HIBADH: variants seen among roughly 807,000 people sequenced by gnomAD.
HIBADH encodes the protein 3-hydroxyisobutyrate dehydrogenase, mitochondrial.
Under a neutral mutation model 36.1 loss-of-function variants are expected in HIBADH, and 25 were observed. That is an observed-to-expected ratio of 0.69 (90% CI 0.50 to 0.97). HIBADH has a LOEUF of 0.97. Among genes scored for constraint, HIBADH ranks in the 50% least tolerant of loss-of-function variants. The pLI is 0.00. For missense variants in HIBADH, 421 were observed against 418.0 expected, an observed-to-expected ratio of 1.01 and a Z score of -0.06; for synonymous variants, 160 against 149.5, an observed-to-expected ratio of 1.07 and a Z score of -0.51.
At position 27,537,719 on chromosome 7, in the gene HIBADH, A is replaced by T. The variant is rs374233197; in HGVS notation, c.695+622T>A. 3.1e-3 allele frequency among the ~76,000 whole-genome samples: 468 copies of T among 152,310 alleles called. 3 individuals are homozygous for T. The highest frequency in any genetic ancestry group is 0.011 in the African/African-American group (448 of 41,586). ...GATGATCATCCATAGGAAAAACAGA[A>T]TTCCTGAATCACTTTAAGCAAAGTA... On this transcript the variant is annotated intron_variant, in intron 6 of 7. Transcript: ENST00000265395.
intron 1 of HIBADH, among the ~76,000 whole-genome samples, chr7:27,656,773 C>G (rs1428438173): frequency 6.6e-6 from 1 of 152,148 alleles, no homozygotes; most frequent in East Asian, 1.9e-4. Context: ...TGAAGTGGCA[C>G]AGTGAAATTT....
intron 6 of HIBADH, among the ~76,000 whole-genome samples, chr7:27,532,166 TG>T (rs1784012400): frequency 6.6e-6 from 1 of 152,200 alleles, no homozygotes; most frequent in Admixed American, 6.5e-5. Context: ...AGAATCAAAA[TG>T]CTCCATTACT....
chr7:27,609,833 T>A (rs973179939), intron 4 of HIBADH, among the ~76,000 whole-genome samples: 1 of 152,146 alleles, frequency 6.6e-6, no homozygotes, highest in Non-Finnish European at 1.5e-5. Flanking sequence ...TTATTTATTT[T>A]TTGAGACAGA....
intron 3 of HIBADH, among the ~76,000 whole-genome samples, chr7:27,631,935 A>T (rs2128294592): frequency 6.6e-6 from 1 of 152,332 alleles, no homozygotes; most frequent in African/African-American, 2.4e-5. Context: ...CGTATAATAA[A>T]ATGTTAAACG....
At chr7:27,526,766 T>G (rs1783907561) in intron 7 of HIBADH, among the ~76,000 whole-genome samples, 1 of 152,214 alleles carries the variant, frequency 6.6e-6, no homozygotes, top group Admixed American at 6.5e-5. Flanking sequence ...AAATATTACT[T>G]CATCCAATAA....
At position 27,526,069 on chromosome 7, in the gene HIBADH, G is replaced by A. The variant is rs1783891370; in HGVS notation, c.*145C>T. The A allele has an allele frequency of 6.6e-6, 4 of 602,896 alleles. No homozygotes were observed. Among genetic ancestry groups the A allele is most frequent in the African/African-American group, 1.9e-5 (1 of 52,206 alleles). 37.3% of individuals were successfully genotyped at this position (602,896 alleles called of 1,614,324 possible). A position where few individuals can be genotyped will look rare whatever the true frequency, so the allele number is the denominator to read the frequency against. ...TAAAAAGACAAAAAGAATAAGCGGT[G>A]AAAAATCCTAGGGATTACTGTGACC... On this transcript the variant is annotated 3_prime_UTR_variant, in exon 8 of 8. Transcript: ENST00000265395.
At chr7:27,558,842 T>C (rs1056778310) in intron 4 of HIBADH, among the ~76,000 whole-genome samples, 3 of 152,224 alleles carry the variant, frequency 2.0e-5, no homozygotes, top group Admixed American at 2.0e-4. Flanking sequence ...TTTTCATTTA[T>C]TTTAGCTTAA....
intron 4 of HIBADH, among the ~76,000 whole-genome samples, chr7:27,572,971 A>C (rs773288321): frequency 7.2e-5 from 11 of 152,232 alleles, no homozygotes; most frequent in Non-Finnish European, 1.2e-4. Flanking sequence ...AGAGTAAAAG[A>C]AGCTTCACTA....
intron 4 of HIBADH, among the ~76,000 whole-genome samples, chr7:27,601,578 G>A (rs1051632329): frequency 1.3e-5 from 2 of 152,010 alleles, no homozygotes; most frequent in Admixed American, 6.5e-5. Context: ...TTATAAAAGT[G>A]CATTTAACTG....
intron 4 of HIBADH, among the ~76,000 whole-genome samples, chr7:27,618,033 G>A (rs1785463500): frequency 6.6e-6 from 1 of 152,226 alleles, no homozygotes; most frequent in Admixed American, 6.5e-5. Flanking sequence ...CCCTGTCTGG[G>A]GCTGTGAGAA....
intron 4 of HIBADH, among the ~76,000 whole-genome samples, chr7:27,555,870 G>A (rs1224368832): frequency 6.6e-6 from 1 of 152,098 alleles, no homozygotes; most frequent in Non-Finnish European, 1.5e-5. Context: ...ATATATGCAT[G>A]CAAGTGTGTG....
At chr7:27,602,786 A>G (rs950403712) in intron 4 of HIBADH, among the ~76,000 whole-genome samples, 7 of 152,114 alleles carry the variant, frequency 4.6e-5, no homozygotes, top group Admixed American at 1.3e-4. Context: ...CACTTGATCA[A>G]TTTTACATGC....
intron 1 of HIBADH, among the ~76,000 whole-genome samples, chr7:27,651,532 G>C (rs990940100): frequency 1.3e-5 from 2 of 152,172 alleles, no homozygotes; most frequent in African/African-American, 4.8e-5. Flanking sequence ...ATAATAGCCA[G>C]AAAGAAAATG....
chr7:27,606,070 C>A (rs1303665600), intron 4 of HIBADH, among the ~76,000 whole-genome samples: 3 of 147,138 alleles, frequency 2.0e-5, no homozygotes, highest in African/African-American at 7.6e-5. Context: ...TACATATGCA[C>A]ATGACAATTT....
At chr7:27,558,086 A>G (rs952639902) in intron 4 of HIBADH, among the ~76,000 whole-genome samples, 1 of 151,732 alleles carries the variant, frequency 6.6e-6, no homozygotes, top group African/African-American at 2.4e-5. Context: ...TATTTCATCC[A>G]TATCTGTGTG....
At chr7:27,650,723 A>T (rs1179817613) in intron 1 of HIBADH, among the ~76,000 whole-genome samples, 1 of 149,260 alleles carries the variant, frequency 6.7e-6, no homozygotes, top group Non-Finnish European at 1.5e-5. Flanking sequence ...AAAAAAAAAA[A>T]AAAAAAAGCC....
chr7:27,623,605 G>A (rs550327423), intron 4 of HIBADH, among the ~76,000 whole-genome samples: 24 of 152,034 alleles, frequency 1.6e-4, no homozygotes, highest in Admixed American at 1.3e-4. Flanking sequence ...TATAAACCAA[G>A]AGTGATCTAG....
intron 4 of HIBADH, among the ~76,000 whole-genome samples, chr7:27,623,538 A>C (rs923441580): frequency 1.3e-5 from 2 of 152,264 alleles, no homozygotes; most frequent in African/African-American, 4.8e-5. Context: ...GATTTGATAA[A>C]TAAATTCAGT....
chr7:27,645,381 T>TTTTGTTTGTTTTGTTTTTG (rs1786048072), intron 2 of HIBADH, among the ~76,000 whole-genome samples: 2 of 129,366 alleles, frequency 1.5e-5, no homozygotes, highest in African/African-American at 6.2e-5. Context: ...TTTTTTTTTT[T>TTTTGTTTGTTTTGTTTTTG]TTTTTTTTTT....
Sources: allele counts gnomAD v4.1 joint callset (sites outside exome capture counted in the v4.1 genomes callset), GRCh38; gene constraint gnomAD v4.1.1; transcripts MANE v1.5; gene names NCBI Gene and HGNC (gene_info 2026-07-23, HGNC 2026-07-21).